Variants in KCNH1 observed in about 807,000 individuals in gnomAD.
KCNH1 encodes potassium voltage-gated channel subfamily H member 1.
Under a neutral mutation model 69.2 loss-of-function variants are expected in KCNH1, and 27 were observed. The observed-to-expected ratio is 0.39, with a 90% CI of 0.29 to 0.54. The LOEUF (loss-of-function observed/expected upper bound fraction) is 0.54, where lower values mean the gene tolerates loss of function less well. KCNH1 is among the 20% of genes least tolerant of loss of function. The pLI is 0.68. For synonymous variants in KCNH1, 456 were observed against 487.7 expected, an observed-to-expected ratio of 0.93 and a Z score of 0.86; for missense variants, 798 against 1,261.6, an observed-to-expected ratio of 0.63 and a Z score of 5.57.
intron 5 of KCNH1, among the ~76,000 whole-genome samples, chr1:211,061,487 G>C (rs990692708): frequency 9.9e-5 from 15 of 151,986 alleles, no homozygotes; most frequent in African/African-American, 3.6e-4. Context: ...ATCCTTGCCA[G>C]AGCAAAAGAA....
chr1:210,709,138 A>G (rs1332352703), intron 10 of KCNH1, among the ~76,000 whole-genome samples: 1 of 152,136 alleles, frequency 6.6e-6, no homozygotes, highest in Non-Finnish European at 1.5e-5. Flanking sequence ...GGTCCCAGCT[A>G]CTCAGGAGGC....
chr1:210,915,654 C>T (rs1024556708), intron 7 of KCNH1, among the ~76,000 whole-genome samples: 4 of 152,156 alleles, frequency 2.6e-5, no homozygotes, highest in East Asian at 1.9e-4. Flanking sequence ...CACCTAAATC[C>T]GCAGCTAATC....
rs188257041 is a variant in KCNH1, at chr1:211,031,398, C to T, written c.559-12142G>A. On this transcript the variant is annotated intron_variant, in intron 5 of 10. Coordinates refer to ENST00000271751, the MANE Select transcript of KCNH1 (RefSeq NM_172362.3). ...ATCCTCCCTAACTCATTTTATGAGG[C>T]CAGGATCATCCTGATACCAAAGCCG... Among the ~76,000 whole-genome samples, 775 of 152,262 alleles carry T rather than the reference C, an allele frequency of 5.1e-3. 10 individuals are homozygous for T. The highest frequency in any genetic ancestry group is 0.018 in the African/African-American group (736 of 41,542).
At chr1:210,997,783 A>T (rs989779502) in intron 6 of KCNH1, among the ~76,000 whole-genome samples, 1 of 152,254 alleles carries the variant, frequency 6.6e-6, no homozygotes, top group East Asian at 1.9e-4. Context: ...TTATCCACAA[A>T]GGGAAGCCCA....
chr1:210,920,402 A>G (rs919111490), intron 6 of KCNH1, among the ~76,000 whole-genome samples: 3 of 152,184 alleles, frequency 2.0e-5, no homozygotes, highest in Non-Finnish European at 4.4e-5. Context: ...ATAATATTTC[A>G]TCTCATGGAA....
intron 10 of KCNH1, among the ~76,000 whole-genome samples, chr1:210,708,708 A>G (rs1681976081): frequency 6.6e-6 from 1 of 152,010 alleles, no homozygotes; most frequent in Non-Finnish European, 1.5e-5. Flanking sequence ...TTTTAACTGG[A>G]TTGGGTTAGT....
chr1:210,994,249 C>T (rs1167625241), intron 6 of KCNH1, among the ~76,000 whole-genome samples: 1 of 152,050 alleles, frequency 6.6e-6, no homozygotes. Context: ...TTTTTTCTTA[C>T]TATCTCATGT....
chr1:210,912,369 C>T (rs1174883468), intron 7 of KCNH1, among the ~76,000 whole-genome samples: 1 of 152,076 alleles, frequency 6.6e-6, no homozygotes, highest in Non-Finnish European at 1.5e-5. Flanking sequence ...TAGGGCTTCC[C>T]TTAACTTGCT....
intron 10 of KCNH1, among the ~76,000 whole-genome samples, chr1:210,771,999 G>A (rs1451706298): frequency 2.6e-5 from 4 of 152,218 alleles, no homozygotes; most frequent in African/African-American, 9.6e-5. Context: ...AGAGCTGAGA[G>A]CTAGGTGATG....
chr1:210,983,698 G>C (rs1688762819), intron 6 of KCNH1, among the ~76,000 whole-genome samples: 1 of 152,188 alleles, frequency 6.6e-6, no homozygotes, highest in Admixed American at 6.5e-5. Context: ...TTTGAAGTCA[G>C]GTAGCGTGAT....
chr1:210,796,039 C>CT (rs1278483481), intron 9 of KCNH1, among the ~76,000 whole-genome samples: 2 of 151,090 alleles, frequency 1.3e-5, no homozygotes, highest in African/African-American at 4.9e-5. Flanking sequence ...CATGTAGTCC[C>CT]AGCTACTCGG....
chr1:210,819,674 C>CA (rs937726840), intron 7 of KCNH1, among the ~76,000 whole-genome samples: 2 of 151,520 alleles, frequency 1.3e-5, no homozygotes, highest in Non-Finnish European at 1.5e-5. Flanking sequence ...ATAAACTTGT[C>CA]AAAAAAAATA....
rs555679821 is a variant in KCNH1 at position 210,810,424 on chromosome 1, C to A, written c.1463-6258G>T. The stretch of plus-strand genomic sequence containing the variant: ...AACCCTTTCAATCTGGAAATGTATG[C>A]ACTTCATTTCAAGAAAATTTTCCTG... On this transcript the variant is annotated intron_variant, in intron 7 of 10. Coordinates refer to ENST00000271751, the MANE Select transcript of KCNH1 (RefSeq NM_172362.3). 1.1e-4 allele frequency among the ~76,000 whole-genome samples: 17 copies of A among 152,218 alleles called. No individual in the cohort carries two copies. In the East Asian group the frequency reaches 3.3e-3, roughly 29 times the overall value.
chr1:210,909,495 G>C (rs1312919416), intron 7 of KCNH1, among the ~76,000 whole-genome samples: 4 of 152,234 alleles, frequency 2.6e-5, no homozygotes, highest in African/African-American at 9.6e-5. Flanking sequence ...TTCTGAAAGG[G>C]AAGCATCTTT....
intron 3 of KCNH1, among the ~76,000 whole-genome samples, chr1:211,103,010 T>C (rs560262778): frequency 3.3e-5 from 5 of 152,366 alleles, no homozygotes; most frequent in African/African-American, 9.6e-5. Flanking sequence ...TGGAAGTAAT[T>C]GTAGCCAAAA....
At chr1:211,087,776 G>A (rs1283842724) in intron 4 of KCNH1, among the ~76,000 whole-genome samples, 1 of 152,150 alleles carries the variant, frequency 6.6e-6, no homozygotes, top group African/African-American at 2.4e-5. Flanking sequence ...AAGACAGAGA[G>A]CAAAGTGAAG....
intron 6 of KCNH1, among the ~76,000 whole-genome samples, chr1:210,929,242 C>A (rs1687635602): frequency 6.6e-6 from 1 of 152,058 alleles, no homozygotes; most frequent in Non-Finnish European, 1.5e-5. Context: ...AACTACAGGC[C>A]AATATCCCTG....
chr1:210,920,969 T>C (rs1351560137), intron 6 of KCNH1, among the ~76,000 whole-genome samples: 2 of 152,186 alleles, frequency 1.3e-5, no homozygotes, highest in Non-Finnish European at 2.9e-5. Context: ...AGTAGTTATC[T>C]AGGGAACAGC....
intron 10 of KCNH1, among the ~76,000 whole-genome samples, chr1:210,715,654 A>C (rs1285196367): frequency 6.6e-6 from 1 of 152,208 alleles, no homozygotes; most frequent in Non-Finnish European, 1.5e-5. Flanking sequence ...ATTGTTATAA[A>C]TAATCATGAG....
Sources: allele counts gnomAD v4.1 joint callset (sites outside exome capture counted in the v4.1 genomes callset), GRCh38; gene constraint gnomAD v4.1.1; transcripts MANE v1.5; gene names NCBI Gene and HGNC (gene_info 2026-07-23, HGNC 2026-07-21).